The following GALNT11 variants were observed in gnomAD, a reference collection of about 807,000 sequenced individuals.
The protein encoded by GALNT11 is polypeptide N-acetylgalactosaminyltransferase 11.
Under a neutral mutation model 72.7 loss-of-function variants are expected in GALNT11, and 47 were observed. The ratio of observed to expected loss-of-function variants is 0.65; its 90% CI spans 0.51 to 0.82. GALNT11 has a LOEUF of 0.82. Among genes scored for constraint, GALNT11 ranks in the 40% least tolerant of loss-of-function variants. GALNT11 has a pLI of 0.00. For synonymous variants in GALNT11, 270 were observed against 286.6 expected, an observed-to-expected ratio of 0.94 and a Z score of 0.58; for missense variants, 677 against 778.4, an observed-to-expected ratio of 0.87 and a Z score of 1.55.
At chr7:152,050,493 A>G (rs574941551) in intron 1 of GALNT11, among the ~76,000 whole-genome samples, 26 of 152,276 alleles carry the variant, frequency 1.7e-4, no homozygotes, top group African/African-American at 6.3e-4. Flanking sequence ...CTAGTGTCCA[A>G]GTTGTAAGAG....
rs1333383331 is a variant in GALNT11, at chr7:152,041,928, A to G, written c.-39+16044A>G. On this transcript the variant is annotated intron_variant, in intron 1 of 11. Coordinates refer to ENST00000430044, the MANE Select transcript of GALNT11 (RefSeq NM_022087.4). ...TAGTCTGAATTTTGTCAGGAGCTGT[A>G]ATTAAGCCAGCAGGAGAAATTGAAT... is the stretch of plus-strand genomic sequence containing the variant. Among the ~76,000 whole-genome samples the G allele has an allele frequency of 3.3e-5, 5 of 152,268 alleles. No homozygotes were observed. The East Asian group carries it at 9.6e-4, about 29-fold the overall frequency.
In GALNT11 at chr7:152,063,580, C is replaced by G. The variant is rs192957115; in HGVS notation, c.-38-30610C>G. ...GGGTGTCAATTTTAGATCTTTCCTG[C>G]TTTCTTTTGTGGGCATTTAGTGCTA... On this transcript the variant is annotated intron_variant, in intron 1 of 11. Transcript: ENST00000430044. 5.6e-4 allele frequency among the ~76,000 whole-genome samples: 85 copies of G among 152,302 alleles called. 1 individual carries two copies. The highest frequency in any genetic ancestry group is 7.9e-4 in the Non-Finnish European group (54 of 68,034).
At chr7:152,053,281 A>G (rs1200150305) in intron 1 of GALNT11, among the ~76,000 whole-genome samples, 1 of 152,194 alleles carries the variant, frequency 6.6e-6, no homozygotes, top group African/African-American at 2.4e-5. Flanking sequence ...ACCTTCCAGT[A>G]ACCTTATCCT....
intron 1 of GALNT11, among the ~76,000 whole-genome samples, chr7:152,089,665 G>A (rs1165576917): frequency 6.6e-6 from 1 of 152,212 alleles, no homozygotes; most frequent in East Asian, 1.9e-4. Context: ...ACGTGCCCGT[G>A]AGCATGTCCA....
At chr7:152,026,897 C>G (rs2082042572) in intron 1 of GALNT11, among the ~76,000 whole-genome samples, 2 of 152,204 alleles carry the variant, frequency 1.3e-5, no homozygotes, top group South Asian at 4.1e-4. Flanking sequence ...CTCAGGATCT[C>G]TTGAGGGCAG....
chr7:152,064,588 G>C (rs906609158), intron 1 of GALNT11, among the ~76,000 whole-genome samples: 1 of 152,088 alleles, frequency 6.6e-6, no homozygotes, highest in African/African-American at 2.4e-5. Context: ...GCAGTGTCTG[G>C]TACCGGTTGT....
intron 2 of GALNT11, among the ~76,000 whole-genome samples, chr7:152,095,026 A>G (rs1468079228): frequency 6.6e-6 from 1 of 152,202 alleles, no homozygotes; most frequent in Non-Finnish European, 1.5e-5. Context: ...ACTTATTTTT[A>G]AGGGTACATT....
intron 1 of GALNT11, among the ~76,000 whole-genome samples, chr7:152,061,747 A>C (rs879223056): frequency 7.2e-5 from 11 of 152,004 alleles, no homozygotes; most frequent in African/African-American, 1.2e-4. Context: ...TTCCCCATTT[A>C]TTGTTTTTGT....
At chr7:152,041,004 G>A (rs1432081439) in intron 1 of GALNT11, among the ~76,000 whole-genome samples, 1 of 152,218 alleles carries the variant, frequency 6.6e-6, no homozygotes, top group Admixed American at 6.5e-5. Flanking sequence ...TCTGTCCCCA[G>A]GTGGGTGGCT....
intron 1 of GALNT11, among the ~76,000 whole-genome samples, chr7:152,033,989 C>T (rs2082433222): frequency 6.6e-6 from 1 of 152,204 alleles, no homozygotes; most frequent in Admixed American, 6.5e-5. Flanking sequence ...TGTAGGACAT[C>T]TGTGTACCTA....
rs200338013 is a variant in GALNT11, at chr7:152,094,372, G to A, written c.145G>A (p.Gly49Arg). ...GCCCGTCAAGGGGTCTGGGCCCCAC[G>A]GACCATCTCCAAAAAAATTCTATCC... ...NVPVKGSGPH[G>R]PSPKKFYPRF... The change falls in exon 2 of 12, where the codon GGA becomes AGA. Residue 49 changes from glycine to arginine, a missense_variant. Gly to Arg is a moderately radical substitution (Grantham distance 125, BLOSUM62 -2). Transcript: ENST00000430044. The surrounding 1 kb of genome is among the most constrained non-coding windows in gnomAD (Gnocchi z 4.3). The A allele has an allele frequency of 1.9e-5, 30 of 1,613,932 alleles. No homozygotes were observed. Among genetic ancestry groups the A allele is most frequent in the African/African-American group, 1.1e-4 (8 of 74,860 alleles).
At chr7:152,108,759 T>C (rs2087859287) in intron 6 of GALNT11, among the ~76,000 whole-genome samples, 1 of 152,246 alleles carries the variant, frequency 6.6e-6, no homozygotes, top group Non-Finnish European at 1.5e-5. Flanking sequence ...TATTTTACGT[T>C]CTTATCTGTG....
chr7:152,097,295 GAT>G (rs1379490698), intron 2 of GALNT11, among the ~76,000 whole-genome samples: 13 of 152,148 alleles, frequency 8.5e-5, no homozygotes, highest in Admixed American at 8.5e-4. Context: ...AAAACAATGA[GAT>G]AGCCATCTCA....
At chr7:152,108,384 A>G in intron 6 of GALNT11, 97 bp downstream of exon 6, 1 of 1,499,112 alleles carries the variant, frequency 6.7e-7, no homozygotes, top group East Asian at 2.3e-5. Context: ...TGTAAGGAGC[A>G]AAAGTGTTAG....
chr7:152,044,591 ATTGT>A (rs2152016241), intron 1 of GALNT11, among the ~76,000 whole-genome samples: 1 of 152,172 alleles, frequency 6.6e-6, no homozygotes, highest in East Asian at 1.9e-4. Context: ...CGTTTTTCAG[ATTGT>A]TTGCTGTCGG....
In GALNT11 at chr7:152,100,071, G is replaced by A. The variant is rs928768406; in HGVS notation, c.296-727G>A. ...TGGGATCACAGGCGTGAGCCATTGC[G>A]TCTGACCCGGGAAGCTCTTTTTATG... On this transcript the variant is annotated intron_variant, in intron 2 of 11. Transcript: ENST00000430044. 4.6e-5 allele frequency among the ~76,000 whole-genome samples: 7 copies of A among 150,896 alleles called. No individual in the cohort carries two copies. In the South Asian group the frequency reaches 6.3e-4, roughly 14 times the overall value.
chr7:152,028,691 A>G (rs1341539322), intron 1 of GALNT11, among the ~76,000 whole-genome samples: 2 of 151,838 alleles, frequency 1.3e-5, no homozygotes, highest in Non-Finnish European at 2.9e-5. Flanking sequence ...CCCCCCTCTA[A>G]ACAGGACACC....
intron 1 of GALNT11, among the ~76,000 whole-genome samples, chr7:152,026,939 G>A (rs2082045234): frequency 6.6e-6 from 1 of 152,216 alleles, no homozygotes; most frequent in Non-Finnish European, 1.5e-5. Flanking sequence ...ATTTCGCTCA[G>A]AATAAATCTC....
chr7:152,110,556 G>C lies in GALNT11; in HGVS notation c.991G>C (p.Ala331Pro), dbSNP rs767434007. Residue 331 changes from alanine to proline, a missense_variant, in exon 7 of 12, where the codon GCC (alanine) becomes CCC (proline). Coordinates refer to ENST00000430044, the MANE Select transcript of GALNT11 (RefSeq NM_022087.4). ...ACCAACAATGGCTGGAGGTTTGTTT[G>C]CCATGAACAGACAGTATTTCCATGA... ...KSPTMAGGLF[A>P]MNRQYFHELG... is the part of the protein sequence containing the mutation. 1.2e-6 allele frequency: 2 copies of C among 1,613,486 alleles called. No homozygotes were observed. Among genetic ancestry groups the C allele is most frequent in the Non-Finnish European group, 1.7e-6 (2 of 1,179,860 alleles).
Sources: allele counts gnomAD v4.1 joint callset (sites outside exome capture counted in the v4.1 genomes callset), GRCh38; gene constraint gnomAD v4.1.1; non-coding constraint Gnocchi (gnomAD v3.1); transcripts MANE v1.5; gene names NCBI Gene and HGNC (gene_info 2026-07-23, HGNC 2026-07-21).